The following PPP2R3B variants were observed in gnomAD, a reference collection of about 807,000 sequenced individuals.
PPP2R3B encodes the protein serine/threonine-protein phosphatase 2A regulatory subunit B'' subunit beta.
A neutral mutation model predicts 72.9 loss-of-function variants in PPP2R3B; 68 were observed. The observed-to-expected ratio is 0.93, with a 90% CI of 0.77 to 1.14. The LOEUF is 1.14. PPP2R3B is among the 50% of genes most tolerant of loss of function. The pLI is 0.00. For synonymous variants in PPP2R3B, 466 were observed against 375.8 expected, an observed-to-expected ratio of 1.24 and a Z score of -2.78; for missense variants, 1,018 against 842.0, an observed-to-expected ratio of 1.21 and a Z score of -2.59.
chrX:350,971 T>C (rs2071318412), intron 2 of PPP2R3B, among the ~76,000 whole-genome samples: 1 of 151,598 alleles, frequency 6.6e-6, no homozygotes, highest in Non-Finnish European at 1.5e-5. Flanking sequence ...GAATAAACTG[T>C]GGCAGAGTCG....
Position 346,266 on chromosome X carries a change from G to A in PPP2R3B, c.793-6C>T, listed in dbSNP as rs1353960405. The A allele has an allele frequency of 1.9e-6, 3 of 1,562,610 alleles. No homozygotes were observed. The South Asian group carries it at 3.5e-5, about 18-fold the overall frequency. On this transcript the variant is annotated splice_polypyrimidine_tract_variant and splice_region_variant and intron_variant, in intron 5 of 12. Coordinates refer to ENST00000390665, the MANE Select transcript of PPP2R3B (RefSeq NM_013239.5). Reference sequence around the variant, plus strand: ...TAGAAGATCCGCTGGATGACCTGCGGGGGCGCTGTCAGTGCGGTGGGTGCG... The same window carrying A: ...TAGAAGATCCGCTGGATGACCTGCGAGGGCGCTGTCAGTGCGGTGGGTGCG...
In PPP2R3B at chrX:367,631, G is replaced by A. The variant is rs757443071; in HGVS notation, c.325-6041C>T. 1.1e-4 allele frequency among the ~76,000 whole-genome samples: 16 copies of A among 152,244 alleles called. No individual in the cohort carries two copies. In the East Asian group the frequency reaches 1.7e-3, roughly 17 times the overall value. ...GTGTACTCCAAACGAGAGAAAAGGC[G>A]ACCAAGCTGAAAAAGAGCAGGAGAC... On this transcript the variant is annotated intron_variant, in intron 1 of 12. Transcript: ENST00000390665.
intron 2 of PPP2R3B, among the ~76,000 whole-genome samples, chrX:351,559 G>A (rs1328888750): frequency 1.3e-5 from 2 of 149,564 alleles, no homozygotes; most frequent in Admixed American, 6.7e-5. Context: ...CTTGTTTTTC[G>A]AGACACGGTC....
At position 347,296 on chromosome X, in the gene PPP2R3B, G is replaced by T; in HGVS notation, c.655C>A (p.His219Asn). The change falls in exon 4 of 13, where the codon CAT becomes AAT. Residue 219 changes from histidine (H) to asparagine (N), a missense_variant. By Grantham distance (68) the His-to-Asn change is moderately conservative. Coordinates refer to ENST00000390665, the MANE Select transcript of PPP2R3B (RefSeq NM_013239.5). ...TTGCAGCCGGGGCTCATGAGCAGATGGACGAACTTGGCCGCGTCGTCGTGG... is the reference window on the plus strand; with the variant it reads ...TTGCAGCCGGGGCTCATGAGCAGATTGACGAACTTGGCCGCGTCGTCGTGG... ...NCHDDAAKFV[H>N]LLMSPGCNYL... is the part of the protein sequence containing the mutation. 1 of 1,613,792 alleles carries T rather than the reference G, an allele frequency of 6.2e-7. No individual in the cohort carries two copies. The highest frequency in any genetic ancestry group is 1.1e-5 in the South Asian group (1 of 91,074).
chrX:344,886 C>T lies in PPP2R3B; in HGVS notation c.1036+630G>A, dbSNP rs776311494. On this transcript the variant is annotated intron_variant, in intron 7 of 12. Transcript: ENST00000390665. ...TGAGTCGACCACACACAACAGATGC[C>T]ACCGTAATTCGGAAACAGTCTTGGT... 2.4e-5 allele frequency: 8 copies of T among 337,624 alleles called. No homozygotes were observed. In the Admixed American group the frequency reaches 2.4e-4, roughly 10 times the overall value. The allele number at this position is 337,624 out of a possible 1,614,324, so 20.9% of individuals were successfully genotyped here.
At chrX:357,757 T>G (rs2071464951) in intron 2 of PPP2R3B, among the ~76,000 whole-genome samples, 1 of 152,156 alleles carries the variant, frequency 6.6e-6, no homozygotes, top group Non-Finnish European at 1.5e-5. Flanking sequence ...AAGTGTGTTT[T>G]CCTGTGGGGG....
rs1603154579 is a variant in PPP2R3B at position 386,411 on chromosome X, G to A, written c.281C>T (p.Ala94Val). The A allele has an allele frequency of 6.1e-6, 8 of 1,319,710 alleles. No individual in the cohort carries two copies. The highest frequency in any genetic ancestry group is 7.8e-6 in the Non-Finnish European group (8 of 1,029,282). 81.8% of individuals were successfully genotyped at this position (1,319,710 alleles called of 1,614,324 possible). Residue 94 changes from alanine to valine, a missense_variant, in exon 1 of 13, where the codon GCG (alanine) becomes GTG (valine). By Grantham distance (64) the Ala-to-Val change is moderately conservative. Coordinates refer to ENST00000390665, the MANE Select transcript of PPP2R3B (RefSeq NM_013239.5). Reference sequence around the variant, plus strand: ...TCTACGGGTGCCTCGAACGTGGGGCGCGTTCCTGGGGCTGGAGGCGGCGCC... The same window carrying A: ...TCTACGGGTGCCTCGAACGTGGGGCACGTTCCTGGGGCTGGAGGCGGCGCC... ...PLGAASSPRN[A>V]PHVRGTRRSA...
rs764482282 is a variant in PPP2R3B at position 345,546 on chromosome X, C to T, written c.1006G>A (p.Ala336Thr). 28 of 1,613,112 alleles carry T rather than the reference C, an allele frequency of 1.7e-5. No homozygotes were observed. The African/African-American group carries it at 2.7e-4, about 15-fold the overall frequency. The change falls in exon 7 of 13, where the codon GCG (alanine) becomes ACG (threonine). Residue 336 changes from alanine (A) to threonine (T), a missense_variant. Physicochemically the swap from Ala to Thr is moderately conservative, Grantham distance 58. Coordinates refer to ENST00000390665, the MANE Select transcript of PPP2R3B (RefSeq NM_013239.5). ...TCATTGTGCCGCGCCAGGTCGTCCG[C>T]GTCGATGAGCAGGTCGTGGTCCGTG... ...LDTDHDLLID[A>T]DDLARHNDHA...
rs1483774864 is a variant in PPP2R3B at position 338,951 on chromosome X, C to T, written c.1352-55G>A. ...GTGAGCCCGGTCTCACCTTCGGGGCCTGGGTGTGGGGTGCGCGCGTCCTGT... is the reference window on the plus strand; with the variant it reads ...GTGAGCCCGGTCTCACCTTCGGGGCTTGGGTGTGGGGTGCGCGCGTCCTGT... On this transcript the variant is annotated intron_variant, in intron 10 of 12. Coordinates refer to ENST00000390665, the MANE Select transcript of PPP2R3B (RefSeq NM_013239.5). 136 of 1,479,212 alleles carry T rather than the reference C, an allele frequency of 9.2e-5. 1 individual carries two copies. Among genetic ancestry groups the T allele is most frequent in the Admixed American group, 4.2e-4 (25 of 59,824 alleles). The allele number at this position is 1,479,212 out of a possible 1,614,324, so 91.6% of individuals were successfully genotyped here. A position where few individuals can be genotyped will look rare whatever the true frequency, so the allele number is the denominator to read the frequency against.
chrX:346,057 GGGGGT>G (rs2071200413), intron 6 of PPP2R3B, 112 bp downstream of exon 6: 76 of 536,256 alleles, frequency 1.4e-4, no homozygotes, highest in Non-Finnish European at 1.9e-4. Flanking sequence ...GGGTGGGGGT[GGGGGT>G]GGGAGAGGGG....
At position 346,154 on chromosome X, in the gene PPP2R3B, G is replaced by C. The variant is rs1193936467; in HGVS notation, c.879+20C>G. 12 of 1,485,048 alleles carry C rather than the reference G, an allele frequency of 8.1e-6. No individual in the cohort carries two copies. Among genetic ancestry groups the C allele is most frequent in the South Asian group, 2.4e-5 (2 of 83,152 alleles). 92.0% of individuals were successfully genotyped at this position (1,485,048 alleles called of 1,614,324 possible). The stretch of plus-strand genomic sequence containing the variant: ...GGTAGGGACAAGGCAGGGGGCAGGG[G>C]ACAGGGGGCCGCTCCGCACCTGCAG... On this transcript the variant is annotated intron_variant, in intron 6 of 12. Coordinates refer to ENST00000390665, the MANE Select transcript of PPP2R3B (RefSeq NM_013239.5).
At position 338,817 on chromosome X, in the gene PPP2R3B, G is replaced by A. The variant is rs372230564; in HGVS notation, c.1431C>T (p.Tyr477=). Reference sequence around the variant, plus strand: ...TCTGCTCTTTCTGCTCGTGGTCGAGGTACTTCTCGATGTTGAAGAAGGTGT... The same window carrying A: ...TCTGCTCTTTCTGCTCGTGGTCGAGATACTTCTCGATGTTGAAGAAGGTGT... ...FFDTFFNIEK[Y]LDHEQKEQIS... is the part of the protein sequence containing the mutation. The change falls in exon 11 of 13, where the codon TAC becomes TAT. Residue 477 remains tyrosine, a synonymous_variant. Coordinates refer to ENST00000390665, the MANE Select transcript of PPP2R3B (RefSeq NM_013239.5). 296 of 1,612,354 alleles carry A rather than the reference G, an allele frequency of 1.8e-4. No individual in the cohort carries two copies. Among genetic ancestry groups the A allele is most frequent in the Non-Finnish European group, 2.5e-4 (293 of 1,179,706 alleles).
At chrX:355,001 C>T (rs967728844) in intron 2 of PPP2R3B, among the ~76,000 whole-genome samples, 1 of 152,230 alleles carries the variant, frequency 6.6e-6, no homozygotes, top group South Asian at 2.1e-4. Context: ...TCCAGCACTG[C>T]ACTGGCAGGC....
chrX:384,270 C>T (rs1019333483), intron 1 of PPP2R3B, among the ~76,000 whole-genome samples: 5 of 147,994 alleles, frequency 3.4e-5, no homozygotes, highest in East Asian at 3.9e-4. Flanking sequence ...GACTCTCTCT[C>T]TCTCTCTCTC....
chrX:381,859 A>C (rs2072134006), intron 1 of PPP2R3B, among the ~76,000 whole-genome samples: 1 of 152,068 alleles, frequency 6.6e-6, no homozygotes, highest in Admixed American at 6.6e-5. Context: ...CGGCCTCCCA[A>C]AGTGCTGGGA....
intron 1 of PPP2R3B, among the ~76,000 whole-genome samples, chrX:376,395 C>A (rs1379289701): frequency 6.6e-6 from 1 of 152,196 alleles, no homozygotes; most frequent in Admixed American, 6.5e-5. Flanking sequence ...GCTGTCTACA[C>A]CGGATGGGGG....
intron 1 of PPP2R3B, among the ~76,000 whole-genome samples, chrX:364,645 G>A (rs1569406110): frequency 7.1e-6 from 1 of 140,686 alleles, no homozygotes; most frequent in Non-Finnish European, 1.5e-5. Flanking sequence ...TTCAACACAG[G>A]AGGCGGAGGT....
intron 1 of PPP2R3B, among the ~76,000 whole-genome samples, chrX:375,651 GCACTA>G (rs1188097083): frequency 1.3e-5 from 2 of 152,252 alleles, no homozygotes; most frequent in Non-Finnish European, 2.9e-5. Context: ...GTTCATATCA[GCACTA>G]CACACGGACG....
Position 346,252 on chromosome X carries a change from C to T in PPP2R3B, c.801G>A (p.Gln267=). The T allele has an allele frequency of 6.4e-7, 1 of 1,567,536 alleles. No individual in the cohort carries two copies. Among genetic ancestry groups the T allele is most frequent in the Non-Finnish European group, 8.6e-7 (1 of 1,158,054 alleles). The change falls in exon 6 of 13, where the codon CAG becomes CAA. Residue 267 remains glutamine, a synonymous_variant. Coordinates refer to ENST00000390665, the MANE Select transcript of PPP2R3B (RefSeq NM_013239.5). ...FHSRYITTVI[Q]RIFYAVNRSW... ...ACCGGTTCACGGCGTAGAAGATCCG[C>T]TGGATGACCTGCGGGGGCGCTGTCA...
Sources: allele counts gnomAD v4.1 joint callset (sites outside exome capture counted in the v4.1 genomes callset), GRCh38; gene constraint gnomAD v4.1.1; transcripts MANE v1.5; gene names NCBI Gene and HGNC (gene_info 2026-07-23, HGNC 2026-07-21).